LUZP2: variants seen among roughly 807,000 people sequenced by gnomAD.
LUZP2 encodes the protein leucine zipper protein 2.
A neutral mutation model predicts 51.6 loss-of-function variants in LUZP2; 52 were observed. That is an observed-to-expected ratio of 1.01 (90% CI 0.81 to 1.27). The LOEUF (loss-of-function observed/expected upper bound fraction) is 1.27. Ranked by LOEUF, LUZP2 falls within the 50% of genes most tolerant of loss-of-function variation. The probability of loss-of-function intolerance (pLI) is 0.00; values close to 1 mark genes in which losing one functional copy is unlikely to be tolerated. For missense variants in LUZP2, 436 were observed against 395.4 expected, an observed-to-expected ratio of 1.10 and a Z score of -0.87; for synonymous variants, 154 against 137.3, an observed-to-expected ratio of 1.12 and a Z score of -0.85.
chr11:24,969,802 A>T (rs1424208495), intron 7 of LUZP2, among the ~76,000 whole-genome samples: 6 of 152,170 alleles, frequency 3.9e-5, no homozygotes, highest in Non-Finnish European at 8.8e-5. Context: ...AAAGAATGTG[A>T]GGCAGAATGG....
chr11:24,661,381 G>A (rs1856015671), intron 1 of LUZP2, among the ~76,000 whole-genome samples: 1 of 152,178 alleles, frequency 6.6e-6, no homozygotes, highest in African/African-American at 2.4e-5. Context: ...GGTGAGGATT[G>A]TGCCAACTTA....
chr11:24,652,925 T>A (rs1250132193), intron 1 of LUZP2, among the ~76,000 whole-genome samples: 1 of 152,076 alleles, frequency 6.6e-6, no homozygotes, highest in East Asian at 1.9e-4. Flanking sequence ...AAAATTTAAG[T>A]AACCTTTATT....
At chr11:24,566,324 T>C (rs1852215137) in intron 1 of LUZP2, among the ~76,000 whole-genome samples, 1 of 1,138 alleles carries the variant, frequency 8.8e-4, no homozygotes, top group Admixed American at 0.02. Context: ...TATTATTTAT[T>C]TATTTTTTTT....
At chr11:24,933,300 C>T (rs1854505865) in intron 7 of LUZP2, among the ~76,000 whole-genome samples, 1 of 152,106 alleles carries the variant, frequency 6.6e-6, no homozygotes, top group Admixed American at 6.6e-5. Flanking sequence ...ATATGTAGCT[C>T]TGTTCGTCTG....
intron 3 of LUZP2, among the ~76,000 whole-genome samples, chr11:24,737,501 T>C (rs969616441): frequency 6.7e-6 from 1 of 150,246 alleles, no homozygotes; most frequent in Non-Finnish European, 1.5e-5. Flanking sequence ...ATAGCTCGAG[T>C]AAAAAAAAAT....
chr11:25,059,561 C>T (rs551891681), intron 10 of LUZP2, among the ~76,000 whole-genome samples: 2 of 152,274 alleles, frequency 1.3e-5, no homozygotes, highest in African/African-American at 4.8e-5. Context: ...TGAAAACCTT[C>T]TGAAGCATTT....
chr11:24,844,547 T>A (rs1465151805), intron 5 of LUZP2, among the ~76,000 whole-genome samples: 2 of 152,150 alleles, frequency 1.3e-5, no homozygotes, highest in African/African-American at 2.4e-5. Context: ...GAAATTTGCA[T>A]AAGTAACAGG....
chr11:24,692,675 C>A (rs1857113335), intron 1 of LUZP2, among the ~76,000 whole-genome samples: 1 of 151,856 alleles, frequency 6.6e-6, no homozygotes, highest in Non-Finnish European at 1.5e-5. Context: ...GTTTTTTCAG[C>A]CACATATTGT....
At chr11:24,679,108 T>A (rs1350215738) in intron 1 of LUZP2, among the ~76,000 whole-genome samples, 1 of 152,178 alleles carries the variant, frequency 6.6e-6, no homozygotes, top group Non-Finnish European at 1.5e-5. Flanking sequence ...AAGTAAAATA[T>A]GTGTAGAAAG....
At chr11:25,011,976 G>T (rs1397464913) in intron 9 of LUZP2, among the ~76,000 whole-genome samples, 1 of 152,100 alleles carries the variant, frequency 6.6e-6, no homozygotes, top group African/African-American at 2.4e-5. Flanking sequence ...TAACAGGAAA[G>T]TTTTCTGAAG....
intron 1 of LUZP2, among the ~76,000 whole-genome samples, chr11:24,694,979 G>A (rs117828080): frequency 0.022 from 3,294 of 151,862 alleles, 48 homozygotes; most frequent in Admixed American, 0.034. Context: ...TAATGCATAC[G>A]GGGCTTGAAA....
intron 7 of LUZP2, among the ~76,000 whole-genome samples, chr11:24,952,607 A>G (rs1454301350): frequency 6.6e-6 from 1 of 151,698 alleles, no homozygotes; most frequent in Non-Finnish European, 1.5e-5. Context: ...GAGAAGTGAG[A>G]GATTCGAAAA....
At chr11:25,034,342 G>A (rs1428504887) in intron 9 of LUZP2, among the ~76,000 whole-genome samples, 1 of 152,028 alleles carries the variant, frequency 6.6e-6, no homozygotes, top group Non-Finnish European at 1.5e-5. Context: ...TAGATGCCTA[G>A]TTTACAAATA....
At chr11:24,984,994 T>C (rs1016724794) in intron 9 of LUZP2, among the ~76,000 whole-genome samples, 1 of 151,696 alleles carries the variant, frequency 6.6e-6, no homozygotes, top group African/African-American at 2.4e-5. Flanking sequence ...GTGTCCAGAA[T>C]GATGTTTCTA....
intron 7 of LUZP2, among the ~76,000 whole-genome samples, chr11:24,927,819 G>A (rs1163005033): frequency 6.6e-6 from 1 of 151,866 alleles, no homozygotes; most frequent in East Asian, 1.9e-4. Flanking sequence ...TTTGTAAGTG[G>A]CTTTTGGTGG....
intron 1 of LUZP2, among the ~76,000 whole-genome samples, chr11:24,626,951 A>G (rs1854705433): frequency 6.6e-6 from 1 of 152,172 alleles, no homozygotes; most frequent in Admixed American, 6.5e-5. Flanking sequence ...TCTGCTTTTC[A>G]TTATATTAGG....
rs199984756 is a variant in LUZP2, at chr11:24,926,355, A to G, written c.522+11817A>G. On this transcript the variant is annotated intron_variant, in intron 7 of 11. Transcript: ENST00000336930. ...TATATATATACGTGTGTATATATATACGTGTGTATATATATATACGTGTGT... is the reference window on the plus strand; with the variant it reads ...TATATATATACGTGTGTATATATATGCGTGTGTATATATATATACGTGTGT... 7.0e-5 allele frequency among the ~76,000 whole-genome samples: 5 copies of G among 71,774 alleles called. 1 individual carries two copies. Among genetic ancestry groups the G allele is most frequent in the Admixed American group, 4.1e-4 (3 of 7,380 alleles). The allele number at this position is 71,774 out of a possible 152,430, so 47.1% of individuals were successfully genotyped here. A position where few individuals can be genotyped will look rare whatever the true frequency, so the allele number is the denominator to read the frequency against.
At chr11:24,961,565 G>C (rs1377315038) in intron 7 of LUZP2, among the ~76,000 whole-genome samples, 2 of 151,984 alleles carry the variant, frequency 1.3e-5, no homozygotes, top group Admixed American at 1.3e-4. Context: ...GACTAGGATT[G>C]CAACCCCTGC....
At chr11:24,998,184 G>C (rs572988607) in intron 9 of LUZP2, among the ~76,000 whole-genome samples, 1 of 152,070 alleles carries the variant, frequency 6.6e-6, no homozygotes, top group Non-Finnish European at 1.5e-5. Flanking sequence ...GATGGGGATG[G>C]CATTGAATCT....
Sources: gnomAD v4.1 joint callset for allele counts (sites outside exome capture counted in the v4.1 genomes callset) on GRCh38, gnomAD v4.1.1 for gene constraint, MANE v1.5 for transcripts, NCBI Gene and HGNC (gene_info 2026-07-23, HGNC 2026-07-21) for gene names.